TRIT1: variants seen among roughly 807,000 people sequenced by gnomAD.
The protein encoded by TRIT1 is tRNA dimethylallyltransferase.
A neutral mutation model predicts 51.2 loss-of-function variants in TRIT1; 43 were observed. That is an observed-to-expected ratio of 0.84 (90% confidence interval 0.66 to 1.08). The LOEUF is 1.08. Among genes scored for constraint, TRIT1 ranks in the 50% least tolerant of loss-of-function variants. TRIT1 has a pLI of 0.00. For missense variants in TRIT1, 528 were observed against 578.4 expected (o/e 0.91, Z 0.89); for synonymous variants, 184 against 203.9 (o/e 0.90, Z 0.83).
chr1:39,875,305 T>G (rs746125835), intron 1 of TRIT1, among the ~76,000 whole-genome samples: 1 of 152,036 alleles, frequency 6.6e-6, no homozygotes, highest in Non-Finnish European at 1.5e-5. Context: ...CTGACCAACA[T>G]GGTGAAACCC....
intron 1 of TRIT1, chr1:39,862,827 ACCTACAATCAG>A: frequency 1.0e-6 from 1 of 985,360 alleles, no homozygotes; most frequent in African/African-American, 1.7e-5. Flanking sequence ...GCATCACTCT[ACCTACAATCAG>A]CCTGAATGCT....
In TRIT1 at chr1:39,853,862, G is replaced by A. The variant is rs1642735444; in HGVS notation, c.414+108C>T. 13 of 720,820 alleles carry A rather than the reference G, an allele frequency of 1.8e-5. No individual in the cohort carries two copies. The South Asian group carries it at 2.4e-4, about 13-fold the overall frequency. The allele number at this position is 720,820 out of a possible 1,614,324, so 44.7% of individuals were successfully genotyped here. The stretch of plus-strand genomic sequence containing the variant: ...GAGAATATTAAGTAGGAAAATTATA[G>A]TTGCTGGGTATAAGAAATAGGCAAG... On this transcript the variant is annotated intron_variant, in intron 3 of 10. Coordinates refer to ENST00000316891, the MANE Select transcript of TRIT1 (RefSeq NM_017646.6).
At chr1:39,876,884 A>T (rs948783763) in intron 1 of TRIT1, among the ~76,000 whole-genome samples, 4 of 148,476 alleles carry the variant, frequency 2.7e-5, no homozygotes, top group African/African-American at 7.5e-5. Context: ...GCCGAGATGG[A>T]GTCACTGCAC....
At chr1:39,857,244 A>G in intron 2 of TRIT1, 33 bp downstream of exon 2, 1 of 1,575,496 alleles carries the variant, frequency 6.3e-7, no homozygotes, top group African/African-American at 1.3e-5. Flanking sequence ...GCTTTCACCC[A>G]CCAAACCCAG....
At chr1:39,858,624 C>T (rs180688219) in intron 1 of TRIT1, among the ~76,000 whole-genome samples, 4 of 152,300 alleles carry the variant, frequency 2.6e-5, no homozygotes, top group African/African-American at 4.8e-5. Flanking sequence ...TTTAGTGTTA[C>T]TGTTTAATAC....
intron 1 of TRIT1, among the ~76,000 whole-genome samples, chr1:39,857,943 C>T (rs1642995315): frequency 6.6e-6 from 1 of 152,046 alleles, no homozygotes; most frequent in East Asian, 1.9e-4. Context: ...AAGTCAGAAC[C>T]CCTAATACTG....
intron 1 of TRIT1, chr1:39,881,700 G>A (rs1267815381): frequency 6.6e-6 from 1 of 152,096 alleles, no homozygotes; most frequent in Non-Finnish European, 1.5e-5. Context: ...CCTTTAATAA[G>A]CTTTTTCTTC....
At chr1:39,865,840 CAAGA>C (rs916231142) in intron 1 of TRIT1, among the ~76,000 whole-genome samples, 5 of 127,948 alleles carry the variant, frequency 3.9e-5, no homozygotes, top group African/African-American at 1.2e-4. Context: ...CACAACGAGA[CAAGA>C]AAGAAAGGAA....
chr1:39,864,501 C>A (rs1388880156), intron 1 of TRIT1, among the ~76,000 whole-genome samples: 1 of 148,452 alleles, frequency 6.7e-6, no homozygotes, highest in Non-Finnish European at 1.5e-5. Context: ...CCTAGCTACT[C>A]GGGAGGCTGA....
At chr1:39,861,573 T>C (rs527750941) in intron 1 of TRIT1, among the ~76,000 whole-genome samples, 1 of 152,242 alleles carries the variant, frequency 6.6e-6, no homozygotes, top group Admixed American at 6.5e-5. Context: ...CATCCACAGA[T>C]AAACAGACAA....
intron 1 of TRIT1, among the ~76,000 whole-genome samples, chr1:39,868,958 G>A (rs1643708204): frequency 6.6e-6 from 1 of 152,136 alleles, no homozygotes. Flanking sequence ...TAGTCGGGAG[G>A]CTGAGGCAGG....
intron 2 of TRIT1, among the ~76,000 whole-genome samples, chr1:39,856,243 T>C (rs947233093): frequency 6.6e-6 from 1 of 151,988 alleles, no homozygotes; most frequent in Non-Finnish European, 1.5e-5. Flanking sequence ...GAGGCGGAGA[T>C]TGCAGTGAGC....
At position 39,844,084 on chromosome 1, in the gene TRIT1, C is replaced by G; in HGVS notation, c.1234+17G>C. 6.3e-7 allele frequency: 1 copy of G among 1,583,872 alleles called. No homozygotes were observed. ...CCCACCCTTATAGATTTCTTCATGCCCCTCCCCATACTCTACCTGCCCATT... is the reference window on the plus strand; with the variant it reads ...CCCACCCTTATAGATTTCTTCATGCGCCTCCCCATACTCTACCTGCCCATT... On this transcript the variant is annotated intron_variant, in intron 10 of 10. Transcript: ENST00000316891.
Position 39,845,873 on chromosome 1 carries a change from C to T in TRIT1, c.1007-1233G>A, listed in dbSNP as rs1432287180. On this transcript the variant is annotated intron_variant, in intron 8 of 10. Coordinates refer to ENST00000316891, the MANE Select transcript of TRIT1 (RefSeq NM_017646.6). ...AGGGCAGCTGTGCCTTTCACTCCAG[C>T]ACCAGGACGATGCCGGCATACACAC... Among the ~76,000 whole-genome samples, 2 of 152,164 alleles carry T rather than the reference C, an allele frequency of 1.3e-5. 1 individual carries two copies. Among genetic ancestry groups the T allele is most frequent in the Non-Finnish European group, 2.9e-5 (2 of 68,034 alleles).
chr1:39,877,328 T>TAAA (rs57539376), intron 1 of TRIT1, among the ~76,000 whole-genome samples: 2 of 113,062 alleles, frequency 1.8e-5, no homozygotes, highest in Non-Finnish European at 3.7e-5. Context: ...GTGCTTCTAT[T>TAAA]AAAAAAAAAA....
chr1:39,868,949 A>C (rs1192267679), intron 1 of TRIT1, among the ~76,000 whole-genome samples: 2 of 152,132 alleles, frequency 1.3e-5, no homozygotes, highest in Non-Finnish European at 2.9e-5. Flanking sequence ...AATCCCAGCT[A>C]GTCGGGAGGC....
At chr1:39,847,344 C>T (rs1451176613) in intron 7 of TRIT1, 47 bp from the exon 8 acceptor site, 1 of 1,584,450 alleles carries the variant, frequency 6.3e-7, no homozygotes, top group Admixed American at 1.7e-5. Flanking sequence ...GCACTCCTTA[C>T]CCTGCAGAGA....
intron 1 of TRIT1, among the ~76,000 whole-genome samples, chr1:39,873,681 G>C (rs1264316032): frequency 6.6e-6 from 1 of 152,122 alleles, no homozygotes; most frequent in East Asian, 1.9e-4. Flanking sequence ...GGTAGATGAA[G>C]GGTATACAGG....
chr1:39,852,856 C>T lies in TRIT1; in HGVS notation c.435G>A (p.Glu145=), dbSNP rs183302003. 1.2e-5 allele frequency: 20 copies of T among 1,614,218 alleles called. No individual in the cohort carries two copies. In the African/African-American group the frequency reaches 2.4e-4, roughly 19 times the overall value. The change falls in exon 4 of 11, where the codon GAG becomes GAA. Residue 145 remains glutamate, a synonymous_variant. Coordinates refer to ENST00000316891, the MANE Select transcript of TRIT1 (RefSeq NM_017646.6). ...VNTKPQEMGT[E]KVIDRKVELE... is the part of the protein sequence containing the mutation. ...GCTCCACTTTTCGGTCAATCACTTT[C>T]TCAGTGCCCATCTCCTGGGGCTATT...
Sources: gnomAD v4.1 joint callset for allele counts (sites outside exome capture counted in the v4.1 genomes callset) on GRCh38, gnomAD v4.1.1 for gene constraint, MANE v1.5 for transcripts, NCBI Gene and HGNC (gene_info 2026-07-23, HGNC 2026-07-21) for gene names.